The following TMEM131L variants were observed in gnomAD, a reference collection of about 807,000 sequenced individuals.
The protein encoded by TMEM131L is transmembrane protein 131-like.
TMEM131L carries 54 observed loss-of-function variants against 192.2 expected under a neutral mutation model. The observed-to-expected ratio is 0.28, with a 90% CI of 0.23 to 0.35. TMEM131L has a LOEUF of 0.35. TMEM131L is among the 10% of genes least tolerant of loss of function. The pLI, the probability that TMEM131L is intolerant of heterozygous loss-of-function variation, is 1.00. For missense variants in TMEM131L, 1,888 were observed against 1,972.9 expected, an observed-to-expected ratio of 0.96 and a Z score of 0.82; for synonymous variants, 701 against 704.9, an observed-to-expected ratio of 0.99 and a Z score of 0.09.
intron 33 of TMEM131L, among the ~76,000 whole-genome samples, chr4:153,635,164 TAGAA>T (rs1734482742): frequency 6.6e-6 from 1 of 152,146 alleles, no homozygotes; most frequent in Non-Finnish European, 1.5e-5. Flanking sequence ...TTTTGTGTAA[TAGAA>T]AGATTCCCAT....
chr4:153,491,407 T>C, intron 3 of TMEM131L, among the ~76,000 whole-genome samples: 1 of 152,156 alleles, frequency 6.6e-6, no homozygotes, highest in Admixed American at 6.5e-5. Flanking sequence ...AGACGGTAAT[T>C]AGAGGTGTCA....
chr4:153,470,708 T>G (rs1331853249), intron 2 of TMEM131L, among the ~76,000 whole-genome samples: 1 of 152,212 alleles, frequency 6.6e-6, no homozygotes, highest in Non-Finnish European at 1.5e-5. Context: ...CTTCTTACTT[T>G]GCCTTCAAAG....
intron 3 of TMEM131L, among the ~76,000 whole-genome samples, chr4:153,495,119 A>G (rs945633278): frequency 2.1e-4 from 32 of 152,190 alleles, no homozygotes; most frequent in Admixed American, 3.3e-4. Context: ...GTTTGAGATC[A>G]GCCTTGCCAA....
chr4:153,612,782 G>A (rs949046594), intron 26 of TMEM131L, among the ~76,000 whole-genome samples: 8 of 151,772 alleles, frequency 5.3e-5, no homozygotes, highest in Non-Finnish European at 8.8e-5. Context: ...ATCTATTATC[G>A]TCTTCTGTCT....
intron 26 of TMEM131L, among the ~76,000 whole-genome samples, chr4:153,620,039 G>T (rs1167570389): frequency 6.6e-6 from 1 of 152,142 alleles, no homozygotes; most frequent in Non-Finnish European, 1.5e-5. Flanking sequence ...GAAGGAAGAA[G>T]AATAATAAGG....
intron 7 of TMEM131L, among the ~76,000 whole-genome samples, chr4:153,568,050 G>C (rs1729340992): frequency 6.6e-6 from 1 of 152,132 alleles, no homozygotes. Context: ...GAAATTAAGT[G>C]ATGTTGTACA....
At chr4:153,553,662 C>T (rs1459649458) in intron 4 of TMEM131L, among the ~76,000 whole-genome samples, 2 of 152,122 alleles carry the variant, frequency 1.3e-5, no homozygotes, top group Non-Finnish European at 2.9e-5. Context: ...GAGCAAATCC[C>T]AACCCTCTTC....
intron 1 of TMEM131L, among the ~76,000 whole-genome samples, chr4:153,466,888 C>T (rs926030406): frequency 1.3e-5 from 2 of 152,144 alleles, no homozygotes; most frequent in East Asian, 1.9e-4. Flanking sequence ...GCCTGGCCGC[C>T]CAGGGTCCAC....
chr4:153,591,168 A>G lies in TMEM131L; in HGVS notation c.1786A>G (p.Ser596Gly). Residue 596 changes from serine to glycine, a missense_variant, in exon 17 of 35, where the codon AGC becomes GGC. Coordinates refer to ENST00000409959, the MANE Select transcript of TMEM131L (RefSeq NM_001131007.2). The stretch of plus-strand genomic sequence containing the variant: ...AGAGCCTGGCCTCATGTTAAACTTC[A>G]GCGCAACTGCCCTTAGGAGCAGGAT... ...IAEPGLMLNF[S>G]ATALRSRMIK... 1 of 1,608,508 alleles carries G rather than the reference A, an allele frequency of 6.2e-7. No individual in the cohort carries two copies. Among genetic ancestry groups the G allele is most frequent in the Non-Finnish European group, 8.5e-7 (1 of 1,176,752 alleles).
Position 153,585,620 on chromosome 4 carries a change from A to G in TMEM131L, c.1311+9A>G. 3.8e-6 allele frequency: 6 copies of G among 1,571,934 alleles called. No homozygotes were observed. Among genetic ancestry groups the G allele is most frequent in the East Asian group, 2.3e-5 (1 of 43,128 alleles). On this transcript the variant is annotated intron_variant, in intron 13 of 34. Transcript: ENST00000409959. Reference sequence around the variant, plus strand: ...CCAAGCACATGTTAAAGGTACATATAGTATTTTTTCCCCAAGTTTTAGCTT... The same window carrying G: ...CCAAGCACATGTTAAAGGTACATATGGTATTTTTTCCCCAAGTTTTAGCTT...
intron 26 of TMEM131L, among the ~76,000 whole-genome samples, chr4:153,612,769 C>G (rs940637999): frequency 3.3e-5 from 5 of 152,074 alleles, no homozygotes; most frequent in African/African-American, 1.2e-4. Context: ...TCTTTGTCCT[C>G]ATATCTATTA....
In TMEM131L at chr4:153,514,819, T is replaced by TG. The variant is rs540420359; in HGVS notation, c.240-35254_240-35253insG. On this transcript the variant is annotated intron_variant, in intron 3 of 34. Transcript: ENST00000409959. The stretch of plus-strand genomic sequence containing the variant: ...ATTACTTCACCCTGTTTTTTTCTTT[T>TG]CTTTTTTTTTTGAGATGGAGTCTCG... 2.7e-3 allele frequency among the ~76,000 whole-genome samples: 403 copies of TG among 152,004 alleles called. 1 individual carries two copies. The highest frequency in any genetic ancestry group is 8.6e-3 in the African/African-American group (357 of 41,374).
At position 153,603,954 on chromosome 4, in the gene TMEM131L, G is replaced by T; in HGVS notation, c.2942G>T (p.Cys981Phe). The T allele has an allele frequency of 6.2e-7, 1 of 1,614,022 alleles. No individual in the cohort carries two copies. The highest frequency in any genetic ancestry group is 8.5e-7 in the Non-Finnish European group (1 of 1,179,958). Residue 981 changes from cysteine to phenylalanine, a missense_variant, in exon 25 of 35, where the codon TGC becomes TTC. Transcript: ENST00000409959. ...TYGHSQKKHK[C>F]SVYYSKHKTS... ...GGTCATTCTCAGAAGAAGCACAAAT[G>T]CTCAGTGTATTACAGTAAACACAAA...
At chr4:153,593,948 G>C in intron 19 of TMEM131L, 77 bp downstream of exon 19, 1 of 935,752 alleles carries the variant, frequency 1.1e-6, no homozygotes, top group East Asian at 2.5e-5. Context: ...ATTGATTTAT[G>C]TTTAAAATGT....
At position 153,603,776 on chromosome 4, in the gene TMEM131L, C is replaced by A. The variant is rs752412927; in HGVS notation, c.2790-26C>A. On this transcript the variant is annotated intron_variant, in intron 24 of 34. Transcript: ENST00000409959. ...GAGTTTGATTTGATTTGCCTCTATGCTAAATGTTTTTCTTCTTAAATTCAG... is the reference window on the plus strand; with the variant it reads ...GAGTTTGATTTGATTTGCCTCTATGATAAATGTTTTTCTTCTTAAATTCAG... 2.7e-5 allele frequency: 42 copies of A among 1,553,842 alleles called. 1 individual carries two copies. In the Middle Eastern group the frequency reaches 5.2e-4, roughly 19 times the overall value.
At position 153,467,277 on chromosome 4, in the gene TMEM131L, C is replaced by G. The variant is rs994218944; in HGVS notation, c.191C>G (p.Thr64Ser). 1 of 1,551,594 alleles carries G rather than the reference C, an allele frequency of 6.4e-7. No individual in the cohort carries two copies. Among genetic ancestry groups the G allele is most frequent in the East Asian group, 2.4e-5 (1 of 40,922 alleles). The change falls in exon 2 of 35, where the codon ACT becomes AGT. Residue 64 changes from threonine to serine, a missense_variant. Coordinates refer to ENST00000409959, the MANE Select transcript of TMEM131L (RefSeq NM_001131007.2). The stretch of plus-strand genomic sequence containing the variant: ...GAAGAAGGGGAACTCCTGCTGCCCA[C>G]TCAGGTGAGGACGACCAGGTGACAG... The part of the protein sequence containing the change: ...QAEEGELLLP[T>S]QGDSEEGLEE...
Position 153,535,749 on chromosome 4 carries a change from A to G in TMEM131L, c.240-14324A>G, listed in dbSNP as rs200001995. Among the ~76,000 whole-genome samples, 12 of 152,302 alleles carry G rather than the reference A, an allele frequency of 7.9e-5. No homozygotes were observed. The East Asian group carries it at 1.5e-3, about 20-fold the overall frequency. ...TTAATATTCTCACAGGTTCAGAACCATTTTGGAGAGTCAGGCAAAAGGAAA... is the reference window on the plus strand; with the variant it reads ...TTAATATTCTCACAGGTTCAGAACCGTTTTGGAGAGTCAGGCAAAAGGAAA... On this transcript the variant is annotated intron_variant, in intron 3 of 34. Coordinates refer to ENST00000409959, the MANE Select transcript of TMEM131L (RefSeq NM_001131007.2).
chr4:153,490,405 G>T (rs141083054), intron 3 of TMEM131L, among the ~76,000 whole-genome samples: 31 of 152,158 alleles, frequency 2.0e-4, no homozygotes, highest in Non-Finnish European at 3.5e-4. Flanking sequence ...AGAGTGAGAT[G>T]GAGAAGGCAC....
intron 17 of TMEM131L, among the ~76,000 whole-genome samples, chr4:153,591,456 A>T (rs936539315): frequency 6.6e-6 from 1 of 152,248 alleles, no homozygotes; most frequent in Non-Finnish European, 1.5e-5. Context: ...GACTAGCTTA[A>T]CTAGGAGTCA....
Sources: gnomAD v4.1 joint callset for allele counts (sites outside exome capture counted in the v4.1 genomes callset) on GRCh38, gnomAD v4.1.1 for gene constraint, MANE v1.5 for transcripts, NCBI Gene and HGNC (gene_info 2026-07-23, HGNC 2026-07-21) for gene names.